KCNN3: variants seen among roughly 807,000 people sequenced by gnomAD.
KCNN3 encodes small conductance calcium-activated potassium channel protein 3.
A neutral mutation model predicts 62.9 loss-of-function variants in KCNN3; 16 were observed. The observed-to-expected ratio is 0.25, with a 90% confidence interval of 0.17 to 0.39. The LOEUF is 0.39. Among genes scored for constraint, KCNN3 ranks in the 10% least tolerant of loss-of-function variants. The pLI is 1.00. For synonymous variants in KCNN3, 370 were observed against 389.2 expected, an observed-to-expected ratio of 0.95 and a Z score of 0.58; for missense variants, 599 against 949.4, an observed-to-expected ratio of 0.63 and a Z score of 4.85.
chr1:154,708,383 C>G (rs1700005689), intron 7 of KCNN3, 111 bp from the exon 8 acceptor site: 1 of 1,062,012 alleles, frequency 9.4e-7, no homozygotes, highest in Non-Finnish European at 1.5e-6. Flanking sequence ...CACTTCCACA[C>G]CAGCTGATCT....
At chr1:154,743,522 G>C (rs749182872) in intron 3 of KCNN3, among the ~76,000 whole-genome samples, 33 of 152,184 alleles carry the variant, frequency 2.2e-4, no homozygotes, top group Non-Finnish European at 3.4e-4. Flanking sequence ...TCCTGCCTCA[G>C]AGCCCCTCAC....
chr1:154,728,134 T>C (rs2101786056), intron 4 of KCNN3, among the ~76,000 whole-genome samples: 1 of 152,122 alleles, frequency 6.6e-6, no homozygotes, highest in East Asian at 1.9e-4. Context: ...AGGGTCTAGA[T>C]GGGGTGTTTC....
chr1:154,711,034 A>G (rs1419852499), intron 7 of KCNN3, among the ~76,000 whole-genome samples: 1 of 152,212 alleles, frequency 6.6e-6, no homozygotes, highest in Non-Finnish European at 1.5e-5. Context: ...CTGTAAAGAC[A>G]CATGCACACG....
intron 1 of KCNN3, among the ~76,000 whole-genome samples, chr1:154,853,326 TTTTCTG>T (rs1474648851): frequency 4.7e-5 from 7 of 148,964 alleles, no homozygotes; most frequent in Admixed American, 1.3e-4. Context: ...GTGGTTTTTG[TTTTCTG>T]TTTTTGTTTT....
Position 154,697,860 on chromosome 1 carries a change from G to C in KCNN3, c.*10116C>G, listed in dbSNP as rs960542205. On this transcript the variant is annotated 3_prime_UTR_variant, in exon 8 of 8. Coordinates refer to ENST00000271915, the MANE Select transcript of KCNN3 (RefSeq NM_002249.6). The stretch of plus-strand genomic sequence containing the variant: ...TTTTTTCCATTTAATTCCTGTAGAT[G>C]AGTCATTTGCTCCTCAGTTTTCTAT... 1 of 152,196 alleles carries C rather than the reference G, an allele frequency of 6.6e-6. No homozygotes were observed. Among genetic ancestry groups the C allele is most frequent in the Non-Finnish European group, 1.5e-5 (1 of 68,048 alleles). 9.4% of individuals were successfully genotyped at this position (152,196 alleles called of 1,614,324 possible).
chr1:154,736,961 G>A (rs1700723793), intron 3 of KCNN3: 1 of 696,334 alleles, frequency 1.4e-6, no homozygotes, highest in South Asian at 1.5e-5. Context: ...GGCTACGGAA[G>A]ATGCTGAGAT....
Position 154,700,443 on chromosome 1 carries a change from G to T in KCNN3, c.*7533C>A, listed in dbSNP as rs568429091. On this transcript the variant is annotated 3_prime_UTR_variant, in exon 8 of 8. Transcript: ENST00000271915. ...TTGATTCTAGATGGAATACAACTTT[G>T]AGGGGAAAGGTCAGAATATATTTGC... The T allele has an allele frequency of 1.3e-5, 2 of 152,302 alleles. No homozygotes were observed. Among genetic ancestry groups the T allele is most frequent in the South Asian group, 2.1e-4 (1 of 4,826 alleles). 9.4% of individuals were successfully genotyped at this position (152,302 alleles called of 1,614,324 possible). A position where few individuals can be genotyped will look rare whatever the true frequency, so the allele number is the denominator to read the frequency against.
At chr1:154,722,554 A>T (rs908095759) in intron 5 of KCNN3, among the ~76,000 whole-genome samples, 3 of 150,244 alleles carry the variant, frequency 2.0e-5, no homozygotes, top group African/African-American at 7.4e-5. Context: ...CGCCCGGCTA[A>T]TTTTTTTGGA....
intron 2 of KCNN3, among the ~76,000 whole-genome samples, chr1:154,774,109 TG>T: frequency 6.6e-6 from 1 of 152,324 alleles, no homozygotes; most frequent in African/African-American, 2.4e-5. Flanking sequence ...GAGGCTGCAG[TG>T]GGTTCGTATA....
Position 154,772,471 on chromosome 1 carries a change from A to T in KCNN3, c.1030-78T>A. On this transcript the variant is annotated intron_variant, in intron 2 of 7. Transcript: ENST00000271915. This position sits in a 1 kb window ranked among gnomAD's most constrained non-coding sequence, Gnocchi z 5.6. ...AGGGTCCAGGCAGGACAGGTGGGGC[A>T]GGCTGGGGCAGGCTGCTGGGCTCAG... 7.1e-7 allele frequency: 1 copy of T among 1,411,118 alleles called. No homozygotes were observed. Among genetic ancestry groups the T allele is most frequent in the South Asian group, 1.2e-5 (1 of 82,970 alleles). The allele number at this position is 1,411,118 out of a possible 1,614,324, so 87.4% of individuals were successfully genotyped here. A position where few individuals can be genotyped will look rare whatever the true frequency, so the allele number is the denominator to read the frequency against.
chr1:154,725,209 A>AAATGTACC (rs768909757), intron 5 of KCNN3, among the ~76,000 whole-genome samples: 2 of 152,108 alleles, frequency 1.3e-5, no homozygotes, highest in Non-Finnish European at 2.9e-5. Flanking sequence ...TACATTTTCA[A>AAATGTACC]TATACTTTTA....
chr1:154,784,640 G>A (rs565167406), intron 2 of KCNN3, among the ~76,000 whole-genome samples: 1 of 152,308 alleles, frequency 6.6e-6, no homozygotes, highest in South Asian at 2.1e-4. Context: ...GGAGAAGGAT[G>A]GCCAGACAGT....
intron 5 of KCNN3, among the ~76,000 whole-genome samples, chr1:154,722,473 C>T (rs1011228009): frequency 1.1e-4 from 16 of 141,432 alleles, no homozygotes; most frequent in African/African-American, 4.2e-4. Flanking sequence ...CTGCAACTTT[C>T]GCCTCCCAGG....
chr1:154,869,985 C>T lies in KCNN3; in HGVS notation c.-21G>A, dbSNP rs755846697. The T allele has an allele frequency of 1.5e-5, 24 of 1,608,300 alleles. No individual in the cohort carries two copies. In the Admixed American group the frequency reaches 4.0e-4, roughly 27 times the overall value. On this transcript the variant is annotated 5_prime_UTR_variant, in exon 1 of 8. Coordinates refer to ENST00000271915, the MANE Select transcript of KCNN3 (RefSeq NM_002249.6). This position sits in a 1 kb window ranked among gnomAD's most constrained non-coding sequence, Gnocchi z 6.1. ...TCCATCTTGGGGCCTGGCTGTATTC[C>T]CTGCAGCACAAGCCCCCACCCCAAA...
chr1:154,826,820 G>A (rs1651153671), intron 1 of KCNN3, among the ~76,000 whole-genome samples: 1 of 152,174 alleles, frequency 6.6e-6, no homozygotes, highest in Non-Finnish European at 1.5e-5. Context: ...TTATTGTTTG[G>A]GTCATCGCAA....
chr1:154,835,927 T>C (rs1651564466), intron 1 of KCNN3, among the ~76,000 whole-genome samples: 1 of 152,186 alleles, frequency 6.6e-6, no homozygotes, highest in African/African-American at 2.4e-5. Context: ...GCCAAAACAT[T>C]TCCAAGTCTT....
At chr1:154,741,266 G>A (rs747045801) in intron 3 of KCNN3, among the ~76,000 whole-genome samples, 3 of 152,134 alleles carry the variant, frequency 2.0e-5, no homozygotes, top group Non-Finnish European at 4.4e-5. Flanking sequence ...TGTGGAAGTG[G>A]TACTATTTCT....
rs879721607 is a variant in KCNN3 at position 154,699,282 on chromosome 1, G to T, written c.*8694C>A. The T allele has an allele frequency of 6.6e-6, 1 of 150,874 alleles. No homozygotes were observed. The highest frequency in any genetic ancestry group is 6.6e-5 in the Admixed American group (1 of 15,118). The allele number at this position is 150,874 out of a possible 1,614,324, so 9.3% of individuals were successfully genotyped here. On this transcript the variant is annotated 3_prime_UTR_variant, in exon 8 of 8. Coordinates refer to ENST00000271915, the MANE Select transcript of KCNN3 (RefSeq NM_002249.6). ...CCGAATAGAACCTCTCTATGTAAAG[G>T]TCTCACTAAACAAATAAACATAGGA... is the stretch of plus-strand genomic sequence containing the variant.
At chr1:154,835,574 TATA>T (rs1443687996) in intron 1 of KCNN3, among the ~76,000 whole-genome samples, 1 of 152,190 alleles carries the variant, frequency 6.6e-6, no homozygotes, top group Admixed American at 6.6e-5. Flanking sequence ...TGCAATTAAT[TATA>T]TGTCACTCCT....
Sources: allele counts gnomAD v4.1 joint callset (sites outside exome capture counted in the v4.1 genomes callset), GRCh38; gene constraint gnomAD v4.1.1; non-coding constraint Gnocchi (gnomAD v3.1); transcripts MANE v1.5; gene names NCBI Gene and HGNC (gene_info 2026-07-23, HGNC 2026-07-21).